ADAMTSL1: variants seen among roughly 807,000 people sequenced by gnomAD.
The protein encoded by ADAMTSL1 is ADAMTS like 1, also known as ADAMTS-like protein 1.
ADAMTSL1 carries 126 observed loss-of-function variants against 201.8 expected under a neutral mutation model. That is an observed-to-expected ratio of 0.62 (90% CI 0.54 to 0.72). The LOEUF is 0.72. Among genes scored for constraint, ADAMTSL1 ranks in the 30% least tolerant of loss-of-function variants. The pLI, the probability that ADAMTSL1 is intolerant of heterozygous loss-of-function variation, is 0.00. For missense variants in ADAMTSL1, 2,679 were observed against 2,277.8 expected (o/e 1.18, Z -3.59); for synonymous variants, 1,121 against 903.4 (o/e 1.24, Z -4.32).
In ADAMTSL1 at chr9:18,622,412, A is replaced by G. The variant is rs1205884584; in HGVS notation, c.601+43A>G. On this transcript the variant is annotated intron_variant, in intron 5 of 28. Transcript: ENST00000380548. ...GGGCGACCTTTGGACTTGTTGACTT[A>G]TCCTCTCCTGGCTTAGGTCTGGCCC... The G allele has an allele frequency of 3.1e-6, 5 of 1,613,712 alleles. No individual in the cohort carries two copies. The South Asian group carries it at 3.3e-5, about 11-fold the overall frequency.
At chr9:18,758,130 C>A (rs1042124954) in intron 16 of ADAMTSL1, among the ~76,000 whole-genome samples, 17 of 152,178 alleles carry the variant, frequency 1.1e-4, no homozygotes, top group African/African-American at 3.6e-4. Flanking sequence ...AGCCTCACAG[C>A]AACCTAGTGA....
intron 2 of ADAMTSL1, among the ~76,000 whole-genome samples, chr9:18,284,778 T>C (rs926628518): frequency 6.6e-6 from 1 of 152,260 alleles, no homozygotes; most frequent in Non-Finnish European, 1.5e-5. Context: ...ATATTTATTT[T>C]TTATCCAGAA....
At chr9:18,102,925 C>T (rs549041099) in intron 1 of ADAMTSL1, among the ~76,000 whole-genome samples, 3 of 152,166 alleles carry the variant, frequency 2.0e-5, no homozygotes, top group Admixed American at 6.5e-5. Flanking sequence ...AATCCAGAGA[C>T]GAAGAGCCCA....
intron 2 of ADAMTSL1, among the ~76,000 whole-genome samples, chr9:18,165,296 T>C (rs1174409350): frequency 6.6e-6 from 1 of 151,952 alleles, no homozygotes. Flanking sequence ...ATATAGATAC[T>C]ACATGAAAAC....
intron 21 of ADAMTSL1, among the ~76,000 whole-genome samples, chr9:18,824,076 A>G (rs2131224858): frequency 6.6e-6 from 1 of 152,214 alleles, no homozygotes; most frequent in East Asian, 1.9e-4. Flanking sequence ...GGAAAAGAGG[A>G]AAAGGGTTTG....
intron 2 of ADAMTSL1, among the ~76,000 whole-genome samples, chr9:18,381,561 T>C (rs1249851849): frequency 6.6e-6 from 1 of 151,856 alleles, no homozygotes; most frequent in Non-Finnish European, 1.5e-5. Flanking sequence ...ACATTGCTGG[T>C]TGAGATTGGG....
At chr9:18,540,721 A>G (rs1820079094) in intron 3 of ADAMTSL1, among the ~76,000 whole-genome samples, 1 of 152,088 alleles carries the variant, frequency 6.6e-6, no homozygotes, top group Admixed American at 6.6e-5. Flanking sequence ...CCTTCTGTGC[A>G]TTTCTCTTCT....
intron 1 of ADAMTSL1, among the ~76,000 whole-genome samples, chr9:17,951,111 G>T (rs368381122): frequency 6.6e-6 from 1 of 152,268 alleles, no homozygotes; most frequent in East Asian, 1.9e-4. Flanking sequence ...TCCTTGTGGG[G>T]CATCCCATTG....
At chr9:18,861,163 C>T (rs1827193242) in intron 23 of ADAMTSL1, among the ~76,000 whole-genome samples, 2 of 152,144 alleles carry the variant, frequency 1.3e-5, no homozygotes, top group Admixed American at 1.3e-4. Context: ...ACACATCCCT[C>T]ATTATACAGA....
At chr9:18,428,303 G>A (rs990772959) in intron 2 of ADAMTSL1, among the ~76,000 whole-genome samples, 1 of 151,834 alleles carries the variant, frequency 6.6e-6, no homozygotes, top group East Asian at 1.9e-4. Context: ...ATTGGGGCCG[G>A]GTTTGCCATC....
At chr9:18,451,874 C>G (rs1169877966) in intron 2 of ADAMTSL1, among the ~76,000 whole-genome samples, 1 of 152,208 alleles carries the variant, frequency 6.6e-6, no homozygotes, top group Non-Finnish European at 1.5e-5. Flanking sequence ...GATGCAAAGG[C>G]AAGAGAGGAT....
chr9:18,853,018 A>G (rs1284681017), intron 23 of ADAMTSL1, among the ~76,000 whole-genome samples: 1 of 152,190 alleles, frequency 6.6e-6, no homozygotes, highest in Non-Finnish European at 1.5e-5. Context: ...TCTTTGCTAC[A>G]CACTGAAATA....
chr9:18,630,406 C>G (rs1231938323), intron 5 of ADAMTSL1, among the ~76,000 whole-genome samples: 1 of 152,194 alleles, frequency 6.6e-6, no homozygotes, highest in African/African-American at 2.4e-5. Context: ...ATGCTGCTGG[C>G]TACTTTAAGG....
intron 1 of ADAMTSL1, among the ~76,000 whole-genome samples, chr9:18,077,674 A>G (rs994402879): frequency 6.6e-6 from 1 of 152,200 alleles, no homozygotes; most frequent in Non-Finnish European, 1.5e-5. Flanking sequence ...TACTTGTGTG[A>G]GAAGTTGAAT....
intron 15 of ADAMTSL1, among the ~76,000 whole-genome samples, chr9:18,736,376 A>G (rs1310346064): frequency 1.3e-5 from 2 of 152,218 alleles, no homozygotes; most frequent in Non-Finnish European, 2.9e-5. Context: ...AGGTACTACC[A>G]TAGGCCTTGG....
intron 1 of ADAMTSL1, among the ~76,000 whole-genome samples, chr9:18,007,448 A>T (rs2131547828): frequency 6.6e-6 from 1 of 152,158 alleles, no homozygotes. Flanking sequence ...CATAGTAAAA[A>T]GCAAAAACAG....
At chr9:18,289,184 T>C (rs200806407) in intron 2 of ADAMTSL1, among the ~76,000 whole-genome samples, 102 of 109,138 alleles carry the variant, frequency 9.3e-4, no homozygotes, top group African/African-American at 2.8e-3. Context: ...TACCTACCTA[T>C]CTATCTATAG....
intron 1 of ADAMTSL1, among the ~76,000 whole-genome samples, chr9:17,921,044 A>G (rs1191471075): frequency 6.6e-6 from 1 of 152,166 alleles, no homozygotes; most frequent in Admixed American, 6.5e-5. Flanking sequence ...ATTTTCATAT[A>G]TCCTCAATAA....
At chr9:18,189,162 G>C (rs758990989) in intron 2 of ADAMTSL1, among the ~76,000 whole-genome samples, 1 of 152,138 alleles carries the variant, frequency 6.6e-6, no homozygotes, top group Non-Finnish European at 1.5e-5. Context: ...CCACTCCACA[G>C]TTGCCAGGCT....
Sources: allele counts gnomAD v4.1 joint callset (sites outside exome capture counted in the v4.1 genomes callset), GRCh38; gene constraint gnomAD v4.1.1; transcripts MANE v1.5; gene names NCBI Gene and HGNC (gene_info 2026-07-23, HGNC 2026-07-21).